MEIS2: variants seen among roughly 807,000 people sequenced by gnomAD.
The protein encoded by MEIS2 is Meis homeobox 2, also known as homeobox protein Meis2.
In MEIS2, 9 loss-of-function variants were observed where a neutral mutation model predicts 58.6. That is an observed-to-expected ratio of 0.15 (90% CI 0.09 to 0.27). MEIS2 has a LOEUF of 0.27. MEIS2 is among the 10% of genes least tolerant of loss of function. MEIS2 has a pLI of 1.00. For synonymous variants in MEIS2, 221 were observed against 228.4 expected, an observed-to-expected ratio of 0.97 and a Z score of 0.29; for missense variants, 427 against 635.0, an observed-to-expected ratio of 0.67 and a Z score of 3.52.
intron 8 of MEIS2, among the ~76,000 whole-genome samples, chr15:36,962,437 A>G (rs977392811): frequency 5.3e-5 from 8 of 152,220 alleles, no homozygotes; most frequent in African/African-American, 1.9e-4. Context: ...TAACCTATGC[A>G]CATCCTCCTG....
At chr15:37,097,305 G>C (rs1006129876) in intron 2 of MEIS2, 5 of 152,136 alleles carry the variant, frequency 3.3e-5, no homozygotes, top group African/African-American at 1.2e-4. Flanking sequence ...TACACGTTAG[G>C]ATCGTGCATC....
intron 9 of MEIS2, among the ~76,000 whole-genome samples, chr15:36,927,336 A>G (rs1376933322): frequency 6.6e-6 from 1 of 152,146 alleles, no homozygotes; most frequent in African/African-American, 2.4e-5. Flanking sequence ...AACTGTTTCC[A>G]CAGAGAGGAT....
At chr15:37,009,194 C>G (rs1005284455) in intron 8 of MEIS2, among the ~76,000 whole-genome samples, 1 of 152,024 alleles carries the variant, frequency 6.6e-6, no homozygotes, top group Non-Finnish European at 1.5e-5. Flanking sequence ...GAGGCTGAGG[C>G]AAGAGAATGG....
chr15:36,999,318 T>C (rs1423611755), intron 8 of MEIS2, among the ~76,000 whole-genome samples: 1 of 152,150 alleles, frequency 6.6e-6, no homozygotes, highest in Non-Finnish European at 1.5e-5. Context: ...ACGACAACCT[T>C]GTCAGAGGTC....
intron 9 of MEIS2, among the ~76,000 whole-genome samples, chr15:36,939,972 T>C (rs1567080675): frequency 6.6e-6 from 1 of 152,210 alleles, no homozygotes; most frequent in Non-Finnish European, 1.5e-5. Context: ...TGGCAGGATA[T>C]TGGTTCCCAT....
At chr15:37,094,078 G>A (rs527795494) in intron 5 of MEIS2, 4 of 261,730 alleles carry the variant, frequency 1.5e-5, no homozygotes, top group Admixed American at 5.6e-5. Context: ...GCTGGGGAGA[G>A]CATTAACGTT....
intron 9 of MEIS2, among the ~76,000 whole-genome samples, chr15:36,919,131 T>C (rs1201007956): frequency 6.6e-6 from 1 of 152,052 alleles, no homozygotes; most frequent in Admixed American, 6.6e-5. Context: ...CAGTGAGCTA[T>C]GACCATGCCA....
At chr15:36,941,379 C>A (rs1294464705) in intron 9 of MEIS2, among the ~76,000 whole-genome samples, 2 of 152,146 alleles carry the variant, frequency 1.3e-5, no homozygotes, top group Non-Finnish European at 2.9e-5. Context: ...CTATGAGAAT[C>A]AGATCAAAAC....
rs1595778613 is a variant in MEIS2, at chr15:36,944,650, A to G, written c.977+5674T>C. ...AGCATCGGCAGTTTCAGCACATTAAATGCTGACAATGAATCTAGCACCTGG... is the reference window on the plus strand; with the variant it reads ...AGCATCGGCAGTTTCAGCACATTAAGTGCTGACAATGAATCTAGCACCTGG... On this transcript the variant is annotated intron_variant, in intron 9 of 11. Coordinates refer to ENST00000561208, the MANE Select transcript of MEIS2 (RefSeq NM_170675.5). 2.0e-5 allele frequency among the ~76,000 whole-genome samples: 3 copies of G among 152,128 alleles called. No individual in the cohort carries two copies. The South Asian group carries it at 6.2e-4, about 31-fold the overall frequency.
chr15:37,020,696 A>C (rs1305846645), intron 8 of MEIS2, among the ~76,000 whole-genome samples: 1 of 144,072 alleles, frequency 6.9e-6, no homozygotes. Context: ...TTTTAATCTC[A>C]CCACAACCTA....
chr15:37,012,011 C>G (rs1319560750), intron 8 of MEIS2, among the ~76,000 whole-genome samples: 2 of 152,108 alleles, frequency 1.3e-5, no homozygotes, highest in Admixed American at 1.3e-4. Context: ...TTACCTTAGG[C>G]TATTGGTTAC....
intron 6 of MEIS2, among the ~76,000 whole-genome samples, chr15:37,090,635 T>C (rs1379019461): frequency 1.3e-5 from 2 of 152,066 alleles, no homozygotes; most frequent in Non-Finnish European, 2.9e-5. Context: ...CTTTTCTCTC[T>C]CTCCTTGCAT....
At chr15:36,961,241 A>C (rs2059169748) in intron 8 of MEIS2, among the ~76,000 whole-genome samples, 1 of 152,140 alleles carries the variant, frequency 6.6e-6, no homozygotes, top group East Asian at 1.9e-4. Context: ...ACTGATTAGT[A>C]AATGGAGCAC....
intron 9 of MEIS2, among the ~76,000 whole-genome samples, chr15:36,940,619 C>T (rs1258400999): frequency 1.3e-5 from 2 of 152,118 alleles, no homozygotes; most frequent in African/African-American, 2.4e-5. Context: ...ACACATAACT[C>T]GGTTGACTAA....
intron 8 of MEIS2, among the ~76,000 whole-genome samples, chr15:36,991,680 T>C (rs1024071032): frequency 1.3e-5 from 2 of 150,812 alleles, no homozygotes; most frequent in African/African-American, 4.9e-5. Context: ...ATTAGAAATA[T>C]AAGGCAAGTA....
At chr15:36,905,430 A>G (rs1313114785) in intron 9 of MEIS2, among the ~76,000 whole-genome samples, 10 of 151,998 alleles carry the variant, frequency 6.6e-5, no homozygotes, top group Non-Finnish European at 1.5e-4. Context: ...TTTAACCTAC[A>G]TCACCCTTTG....
At chr15:37,049,128 A>G (rs745613163) in intron 7 of MEIS2, among the ~76,000 whole-genome samples, 5 of 152,218 alleles carry the variant, frequency 3.3e-5, no homozygotes, top group Non-Finnish European at 5.9e-5. Context: ...TTTTTGTAAT[A>G]GAATGCAAAT....
intron 8 of MEIS2, among the ~76,000 whole-genome samples, chr15:36,971,685 C>A (rs562969947): frequency 1.3e-5 from 2 of 151,626 alleles, no homozygotes; most frequent in Admixed American, 1.3e-4. Flanking sequence ...ACAATATACA[C>A]AATTCATGTA....
intron 8 of MEIS2, among the ~76,000 whole-genome samples, chr15:37,035,052 T>A (rs1167920168): frequency 1.3e-5 from 2 of 152,076 alleles, no homozygotes; most frequent in Non-Finnish European, 2.9e-5. Context: ...AAAGCAGCTG[T>A]TGAAGTGTTT....
Sources: gnomAD v4.1 joint callset for allele counts (sites outside exome capture counted in the v4.1 genomes callset) on GRCh38, gnomAD v4.1.1 for gene constraint, MANE v1.5 for transcripts, NCBI Gene and HGNC (gene_info 2026-07-23, HGNC 2026-07-21) for gene names.